GRIN2B: variants seen among roughly 807,000 people sequenced by gnomAD.
The protein encoded by GRIN2B is glutamate receptor ionotropic, NMDA 2B.
GRIN2B carries 5 observed loss-of-function variants against 114.5 expected under a neutral mutation model. The observed-to-expected ratio is 0.04, with a 90% CI of 0.02 to 0.09. The LOEUF (loss-of-function observed/expected upper bound fraction) is 0.09, where lower values mean the gene tolerates loss of function less well. Ranked by LOEUF, GRIN2B falls within the 10% of genes least tolerant of loss-of-function variation. The pLI is 1.00. For synonymous variants in GRIN2B, 787 were observed against 745.1 expected, an observed-to-expected ratio of 1.06 and a Z score of -0.92; for missense variants, 1,108 against 1,943.5, an observed-to-expected ratio of 0.57 and a Z score of 8.08.
At position 13,913,922 on chromosome 12, in the gene GRIN2B, G is replaced by C. The variant is rs188635463; in HGVS notation, c.-18-47696C>G. Reference sequence around the variant, plus strand: ...TAGAGTAGCTGAGAGGATTAAATAAGTTAATTTATGAAAAATGCTTAGTGC... The same window carrying C: ...TAGAGTAGCTGAGAGGATTAAATAACTTAATTTATGAAAAATGCTTAGTGC... On this transcript the variant is annotated intron_variant, in intron 2 of 13. Transcript: ENST00000609686. Among the ~76,000 whole-genome samples, 26 of 152,224 alleles carry C rather than the reference G, an allele frequency of 1.7e-4. No individual in the cohort carries two copies. In the East Asian group the frequency reaches 5.0e-3, roughly 29 times the overall value.
chr12:13,951,465 G>A (rs934059921), intron 2 of GRIN2B, among the ~76,000 whole-genome samples: 7 of 152,096 alleles, frequency 4.6e-5, no homozygotes, highest in Admixed American at 6.6e-5. Flanking sequence ...AAGTCCCCTC[G>A]GGCAAATTAG....
intron 3 of GRIN2B, among the ~76,000 whole-genome samples, chr12:13,856,624 T>C (rs925117468): frequency 1.3e-5 from 2 of 152,194 alleles, no homozygotes; most frequent in African/African-American, 2.4e-5. Context: ...ATAATGCTTC[T>C]CCTTCCTTGC....
At chr12:13,756,081 A>T (rs1458968578) in intron 3 of GRIN2B, among the ~76,000 whole-genome samples, 1 of 152,128 alleles carries the variant, frequency 6.6e-6, no homozygotes, top group Non-Finnish European at 1.5e-5. Context: ...GCAGTGGCAC[A>T]ATCTCAGCTC....
Position 13,547,981 on chromosome 12 carries a change from A to ATATATATATATTT in GRIN2B, c.*14801_*14802insAAATATATATATA. On this transcript the variant is annotated 3_prime_UTR_variant, in exon 14 of 14. Coordinates refer to ENST00000609686, the MANE Select transcript of GRIN2B (RefSeq NM_000834.5). Reference sequence around the variant, plus strand: ...TGTGTATATATATATATATATATATATTTTTTTTTTTTTTCTGAAAGCTAC... The same window carrying ATATATATATATTT: ...TGTGTATATATATATATATATATATATATATATATATTTTTTTTTTTTTTTTTCTGAAAGCTAC... 9 of 68,572 alleles carry ATATATATATATTT rather than the reference A, an allele frequency of 1.3e-4. No individual in the cohort carries two copies. The highest frequency in any genetic ancestry group is 7.3e-4 in the South Asian group (1 of 1,376). The allele number at this position is 68,572 out of a possible 1,614,324, so 4.2% of individuals were successfully genotyped here. A position where few individuals can be genotyped will look rare whatever the true frequency, so the allele number is the denominator to read the frequency against.
chr12:13,647,876 G>A (rs781622531), intron 5 of GRIN2B, among the ~76,000 whole-genome samples: 6 of 152,050 alleles, frequency 3.9e-5, no homozygotes, highest in Admixed American at 2.0e-4. Flanking sequence ...AATGAATCCC[G>A]CAGCTTCTCC....
chr12:13,585,607 A>C (rs1314095784), intron 10 of GRIN2B, among the ~76,000 whole-genome samples: 1 of 152,192 alleles, frequency 6.6e-6, no homozygotes, highest in Admixed American at 6.5e-5. Context: ...TTTGGTAAAG[A>C]AACTTATGTA....
chr12:13,687,972 C>T (rs749931094), intron 4 of GRIN2B, among the ~76,000 whole-genome samples: 2 of 152,114 alleles, frequency 1.3e-5, no homozygotes, highest in South Asian at 4.1e-4. Flanking sequence ...TTAAAAAACC[C>T]AACAATGTTA....
intron 4 of GRIN2B, among the ~76,000 whole-genome samples, chr12:13,736,928 G>A (rs1275490705): frequency 6.6e-6 from 1 of 151,050 alleles, no homozygotes; most frequent in African/African-American, 2.4e-5. Context: ...TACTTGGGAG[G>A]CTGAGGCAGG....
chr12:13,709,451 A>C (rs1950394496), intron 4 of GRIN2B, among the ~76,000 whole-genome samples: 1 of 152,078 alleles, frequency 6.6e-6, no homozygotes, highest in Admixed American at 6.6e-5. Flanking sequence ...GTTAAAATCG[A>C]AAGCGTCAGC....
intron 13 of GRIN2B, 85 bp downstream of exon 13, chr12:13,566,940 G>T: frequency 1.1e-6 from 1 of 901,756 alleles, no homozygotes; most frequent in Non-Finnish European, 1.9e-6. Context: ...GGTGGAGATA[G>T]TGTCCTCTTG....
chr12:13,833,354 G>C (rs2136705332), intron 3 of GRIN2B, among the ~76,000 whole-genome samples: 1 of 152,262 alleles, frequency 6.6e-6, no homozygotes, highest in Non-Finnish European at 1.5e-5. Flanking sequence ...ACCTGGCTTA[G>C]GACAGTCACA....
At chr12:13,684,383 C>T (rs1320539960) in intron 4 of GRIN2B, among the ~76,000 whole-genome samples, 1 of 152,282 alleles carries the variant, frequency 6.6e-6, no homozygotes, top group East Asian at 1.9e-4. Flanking sequence ...AGTGAGGCTG[C>T]CTTTTGATGC....
intron 3 of GRIN2B, among the ~76,000 whole-genome samples, chr12:13,834,277 T>C (rs376075439): frequency 6.7e-6 from 1 of 149,882 alleles, no homozygotes; most frequent in South Asian, 2.1e-4. Flanking sequence ...GACCTCGTGA[T>C]CCACCCTCCT....
At chr12:13,737,080 A>G (rs572910382) in intron 4 of GRIN2B, among the ~76,000 whole-genome samples, 111 of 152,024 alleles carry the variant, frequency 7.3e-4, no homozygotes, top group African/African-American at 2.5e-3. Flanking sequence ...ATACAATATA[A>G]TAAATTCCTT....
chr12:13,824,600 A>T (rs1048036932), intron 3 of GRIN2B, among the ~76,000 whole-genome samples: 110 of 152,242 alleles, frequency 7.2e-4, no homozygotes, highest in African/African-American at 2.6e-3. Context: ...CACGCCTGTA[A>T]TCCCTCCACT....
At chr12:13,912,655 C>T (rs1330089200) in intron 2 of GRIN2B, among the ~76,000 whole-genome samples, 1 of 152,008 alleles carries the variant, frequency 6.6e-6, no homozygotes, top group Non-Finnish European at 1.5e-5. Context: ...AGGAGTGTGC[C>T]CTTAATATTT....
intron 10 of GRIN2B, among the ~76,000 whole-genome samples, chr12:13,573,823 T>C (rs931351933): frequency 1.3e-5 from 2 of 152,152 alleles, no homozygotes; most frequent in Admixed American, 6.5e-5. Flanking sequence ...CCAGGAGCCA[T>C]AAATGCCATC....
intron 2 of GRIN2B, among the ~76,000 whole-genome samples, chr12:13,887,698 G>C (rs1307184660): frequency 1.3e-5 from 2 of 152,206 alleles, no homozygotes; most frequent in Non-Finnish European, 2.9e-5. Flanking sequence ...TATGGAAAGT[G>C]AGTAATGAAG....
intron 2 of GRIN2B, among the ~76,000 whole-genome samples, chr12:13,869,241 C>CTTTTTTTTTTTTTTTTTTT (rs377460231): frequency 7.9e-6 from 1 of 127,374 alleles, no homozygotes; most frequent in Non-Finnish European, 1.6e-5. Flanking sequence ...CTTTTTTTTT[C>CTTTTTTTTTTTTTTTTTTT]TTTTTTTTTT....
Sources: gnomAD v4.1 joint callset for allele counts (sites outside exome capture counted in the v4.1 genomes callset) on GRCh38, gnomAD v4.1.1 for gene constraint, MANE v1.5 for transcripts, NCBI Gene and HGNC (gene_info 2026-07-23, HGNC 2026-07-21) for gene names.